Variants in RIPOR2 observed in about 807,000 individuals in gnomAD.
The protein encoded by RIPOR2 is rho family-interacting cell polarization regulator 2.
RIPOR2 carries 39 observed loss-of-function variants against 114.5 expected under a neutral mutation model. That is an observed-to-expected ratio of 0.34 (90% CI 0.26 to 0.44). The LOEUF (loss-of-function observed/expected upper bound fraction) is 0.44, where lower values mean the gene tolerates loss of function less well. Ranked by LOEUF, RIPOR2 falls within the 20% of genes least tolerant of loss-of-function variation. The pLI is 1.00. For synonymous variants in RIPOR2, 445 were observed against 484.4 expected (o/e 0.92, Z 1.07); for missense variants, 1,007 against 1,255.1 (o/e 0.80, Z 2.99).
chr6:25,038,889 G>T (rs1777359214), intron 1 of RIPOR2, among the ~76,000 whole-genome samples: 1 of 152,190 alleles, frequency 6.6e-6, no homozygotes, highest in Non-Finnish European at 1.5e-5. Flanking sequence ...GCAGCTTAAG[G>T]CACTATATTA....
upstream of RIPOR2, chr6:25,042,079 T>G (rs1777479663): frequency 1.9e-6 from 1 of 537,712 alleles, no homozygotes; most frequent in South Asian, 2.6e-5. Context: ...AAAAGAGTAT[T>G]TGAGGCTTCC....
At chr6:24,876,841 A>G in intron 1 of RIPOR2, 1 of 400,450 alleles carries the variant, frequency 2.5e-6, no homozygotes, top group Non-Finnish European at 3.4e-6. Flanking sequence ...AGCATTGTCA[A>G]AACACAACTT....
At chr6:24,840,036 A>ATCTCCCGGGCTTAAGCAATCC (rs1761529478) in intron 13 of RIPOR2, 2 of 837,374 alleles carry the variant, frequency 2.4e-6, no homozygotes, top group South Asian at 1.0e-4. Flanking sequence ...TGCAGCCTCA[A>ATCTCCCGGGCTTAAGCAATCC]TCTCCCGGGC....
At chr6:24,952,186 T>C (rs563283229) in intron 1 of RIPOR2, among the ~76,000 whole-genome samples, 1 of 152,148 alleles carries the variant, frequency 6.6e-6, no homozygotes, top group Admixed American at 6.5e-5. Flanking sequence ...GTTGGCTGGG[T>C]AGGCTGCAAG....
chr6:25,033,094 C>T (rs1045639588), intron 1 of RIPOR2, among the ~76,000 whole-genome samples: 1 of 152,032 alleles, frequency 6.6e-6, no homozygotes, highest in African/African-American at 2.4e-5. Context: ...GTCCCAGCTG[C>T]TTGGGAGGCT....
chr6:24,838,071 C>T (rs1005841253), intron 14 of RIPOR2, among the ~76,000 whole-genome samples: 1 of 152,102 alleles, frequency 6.6e-6, no homozygotes. Context: ...AATTTGGACC[C>T]CAGGCTCTAG....
chr6:24,835,893 T>C (rs1488684657), intron 14 of RIPOR2, 22 bp from the exon 15 acceptor site: 14 of 1,549,984 alleles, frequency 9.0e-6, no homozygotes, highest in Admixed American at 7.9e-5. Context: ...GGGCAAAACA[T>C]TAGCTATTCT....
At chr6:24,840,623 T>C in intron 13 of RIPOR2, 1 of 1,527,986 alleles carries the variant, frequency 6.5e-7, no homozygotes, top group Non-Finnish European at 8.7e-7. Context: ...GGAAGGGCCT[T>C]GCAGGGATCT....
chr6:24,877,309 T>A, intron 1 of RIPOR2: 1 of 985,258 alleles, frequency 1.0e-6, no homozygotes, highest in South Asian at 4.7e-5. Context: ...ATCCCCTCCC[T>A]CCCTCTCCAG....
At chr6:25,005,737 A>ATATATATG (rs1554130548) in intron 1 of RIPOR2, among the ~76,000 whole-genome samples, 37 of 120,142 alleles carry the variant, frequency 3.1e-4, no homozygotes, top group Admixed American at 6.1e-4. Flanking sequence ...ATATATATAT[A>ATATATATG]TATACATTTA....
chr6:25,001,103 T>C (rs1175714194), intron 1 of RIPOR2, among the ~76,000 whole-genome samples: 1 of 152,242 alleles, frequency 6.6e-6, no homozygotes, highest in Non-Finnish European at 1.5e-5. Flanking sequence ...TACATGCACA[T>C]ATATACGTGT....
chr6:24,886,093 G>T (rs73400413), intron 1 of RIPOR2, among the ~76,000 whole-genome samples: 22 of 152,140 alleles, frequency 1.4e-4, no homozygotes, highest in African/African-American at 5.3e-4. Flanking sequence ...TTCATTCGTC[G>T]ACATCTGCCA....
At chr6:24,915,833 T>A (rs558102117) in intron 1 of RIPOR2, among the ~76,000 whole-genome samples, 1 of 152,278 alleles carries the variant, frequency 6.6e-6, no homozygotes, top group East Asian at 1.9e-4. Context: ...GAAACACTGG[T>A]CTGAACCAAG....
intron 1 of RIPOR2, among the ~76,000 whole-genome samples, chr6:24,930,804 T>G (rs933634875): frequency 2.6e-5 from 4 of 152,238 alleles, no homozygotes; most frequent in African/African-American, 9.6e-5. Context: ...TGACCAATTC[T>G]TTTCAACCCA....
intron 2 of RIPOR2, among the ~76,000 whole-genome samples, chr6:24,874,825 A>G (rs1259608762): frequency 3.3e-5 from 5 of 152,254 alleles, no homozygotes; most frequent in African/African-American, 1.2e-4. Context: ...AAATACACGT[A>G]GCTTTTTTAA....
intron 1 of RIPOR2, among the ~76,000 whole-genome samples, chr6:25,030,439 T>TC (rs533208456): frequency 5.3e-5 from 8 of 152,098 alleles, no homozygotes; most frequent in Non-Finnish European, 1.0e-4. Context: ...TTGGGGGTTG[T>TC]CCCCTCTGAT....
At chr6:24,818,786 TAA>T (rs1183410927) in intron 19 of RIPOR2, among the ~76,000 whole-genome samples, 161 bp from the exon 20 acceptor site, 1 of 152,086 alleles carries the variant, frequency 6.6e-6, no homozygotes, top group African/African-American at 2.4e-5. Flanking sequence ...TCATATTAAT[TAA>T]AAGAGTCGTT....
At chr6:25,001,487 C>T (rs991157081) in intron 1 of RIPOR2, among the ~76,000 whole-genome samples, 8 of 151,290 alleles carry the variant, frequency 5.3e-5, no homozygotes, top group African/African-American at 9.7e-5. Flanking sequence ...TAGCTGGGCG[C>T]GGTGGCGGGC....
At chr6:24,817,828 C>T (rs1759298819) in intron 20 of RIPOR2, among the ~76,000 whole-genome samples, 1 of 152,102 alleles carries the variant, frequency 6.6e-6, no homozygotes, top group Non-Finnish European at 1.5e-5. Context: ...GGGGAAGGAT[C>T]TGGGAATTCA....
Sources: gnomAD v4.1 joint callset for allele counts (sites outside exome capture counted in the v4.1 genomes callset) on GRCh38, gnomAD v4.1.1 for gene constraint, MANE v1.5 for transcripts, NCBI Gene and HGNC (gene_info 2026-07-23, HGNC 2026-07-21) for gene names.